The following GLRA2 variants were observed in gnomAD, a reference collection of about 807,000 sequenced individuals.
The protein encoded by GLRA2 is glycine receptor alpha 2, also known as glycine receptor subunit alpha-2.
A neutral mutation model predicts 31.6 loss-of-function variants in GLRA2; 11 were observed. The ratio of observed to expected loss-of-function variants is 0.35; its 90% CI spans 0.22 to 0.58. The LOEUF (loss-of-function observed/expected upper bound fraction) is 0.58. GLRA2 is among the 20% of genes least tolerant of loss of function. GLRA2 has a pLI of 0.84. For missense variants in GLRA2, 212 were observed against 351.8 expected, an observed-to-expected ratio of 0.60 and a Z score of 3.18; for synonymous variants, 132 against 134.0, an observed-to-expected ratio of 0.99 and a Z score of 0.10.
At chrX:14,489,236 C>T in the GLRA2 span, among the ~76,000 whole-genome samples, 1 of 111,715 alleles carries the variant, frequency 9.0e-6, no homozygotes, top group Admixed American at 9.5e-5. Flanking sequence ...CAACTAATAA[C>T]TTGAAACACA....
the GLRA2 span, among the ~76,000 whole-genome samples, chrX:14,504,788 G>A: frequency 2.5e-3 from 278 of 112,087 alleles, no homozygotes; most frequent in African/African-American, 8.5e-3. Flanking sequence ...CTGTTAGGTT[G>A]GGACACTCAG....
the GLRA2 span, among the ~76,000 whole-genome samples, chrX:14,517,617 C>T: frequency 2.7e-5 from 3 of 111,721 alleles, no homozygotes; most frequent in Non-Finnish European, 5.6e-5. Context: ...TACCTCCCAC[C>T]GGGTGCCTCC....
At position 14,570,855 on chromosome X, in the gene GLRA2, A is replaced by G. The variant is rs148691799; in HGVS notation, c.203-3478A>G. On this transcript the variant is annotated intron_variant, in intron 2 of 8. Transcript: ENST00000218075. ...TGATATATAGCAACAAAGAAGATCA[A>G]TATGGGATGGGGATTGTCATACTTG... Among the ~76,000 whole-genome samples, 917 of 112,035 alleles carry G rather than the reference A, an allele frequency of 8.2e-3. 5 individuals are homozygous for G. Among genetic ancestry groups the G allele is most frequent in the African/African-American group, 0.027 (848 of 30,876 alleles).
At position 14,581,257 on chromosome X, in the gene GLRA2, C is replaced by A; in HGVS notation, c.345C>A (p.Asp115Glu). The change falls in exon 4 of 9, where the codon GAC (aspartate) becomes GAA (glutamate). Residue 115 changes from aspartate (D) to glutamate (E), a missense_variant. Transcript: ENST00000218075. ...SRLAYSEYPD[D>E]SLDLDPSMLD... is the part of the protein sequence containing the mutation. The stretch of plus-strand genomic sequence containing the variant: ...TGGCGTACAGTGAGTACCCAGATGA[C>A]TCCCTGGACTTGGACCCATCCATGC... 1 of 1,188,736 alleles carries A rather than the reference C, an allele frequency of 8.4e-7. No individual in the cohort carries two copies. The highest frequency in any genetic ancestry group is 1.1e-6 in the Non-Finnish European group (1 of 874,470).
chrX:14,697,479 TAATC>T (rs201429857), intron 8 of GLRA2, among the ~76,000 whole-genome samples: 3,187 of 111,620 alleles, frequency 0.029, 102 homozygotes, highest in African/African-American at 0.091. Context: ...AAAATAATAA[TAATC>T]ACTACTATCC....
intron 2 of GLRA2, among the ~76,000 whole-genome samples, chrX:14,533,978 T>C (rs755442333): frequency 9.0e-6 from 1 of 111,538 alleles, no homozygotes; most frequent in African/African-American, 3.2e-5. Context: ...TTCATAGCTG[T>C]TATTCATTTC....
chrX:14,503,417 G>A, the GLRA2 span, among the ~76,000 whole-genome samples: 1 of 111,535 alleles, frequency 9.0e-6, no homozygotes, highest in Non-Finnish European at 1.9e-5. Context: ...TTTCCAGAGG[G>A]TACCACAATT....
intron 8 of GLRA2, among the ~76,000 whole-genome samples, chrX:14,717,823 G>A (rs185016056): frequency 5.5e-5 from 6 of 108,432 alleles, no homozygotes; most frequent in African/African-American, 2.0e-4. Context: ...ACTCAGTTAT[G>A]AATCCAATTT....
intron 8 of GLRA2, among the ~76,000 whole-genome samples, chrX:14,721,722 T>C (rs753497131): frequency 9.0e-6 from 1 of 111,522 alleles, no homozygotes; most frequent in East Asian, 2.8e-4. Context: ...AAAAGACTTA[T>C]TCTGGATCCT....
intron 3 of GLRA2, among the ~76,000 whole-genome samples, chrX:14,579,213 CT>C (rs1250707338): frequency 8.9e-6 from 1 of 112,078 alleles, no homozygotes; most frequent in Non-Finnish European, 1.9e-5. Context: ...TGTGGGTCCC[CT>C]TTCATTCTAT....
At chrX:14,635,265 T>G (rs2090698655) in intron 7 of GLRA2, among the ~76,000 whole-genome samples, 1 of 111,907 alleles carries the variant, frequency 8.9e-6, no homozygotes, top group African/African-American at 3.2e-5. Flanking sequence ...AGACATAGTT[T>G]CCAAGCAATT....
rs982917593 is a variant in GLRA2 at position 14,607,847 on chromosome X, G to A, written c.715+579G>A. ...GTAGTGCTGACAGACACATGGGGTT[G>A]GGGGGCAGGTGGTGAAGGAAGAACT... is the stretch of plus-strand genomic sequence containing the variant. On this transcript the variant is annotated intron_variant, in intron 6 of 8. Coordinates refer to ENST00000218075, the MANE Select transcript of GLRA2 (RefSeq NM_002063.4). Among the ~76,000 whole-genome samples, 4 of 111,218 alleles carry A rather than the reference G, an allele frequency of 3.6e-5. No homozygotes were observed. In the East Asian group the frequency reaches 1.1e-3, roughly 32 times the overall value.
chrX:14,474,762 T>C, the GLRA2 span, among the ~76,000 whole-genome samples: 1 of 109,327 alleles, frequency 9.1e-6, no homozygotes, highest in Non-Finnish European at 1.9e-5. Flanking sequence ...TCTCCCCTTA[T>C]AGTTTCTCAT....
intron 4 of GLRA2, 112 bp from the exon 5 acceptor site, chrX:14,604,203 A>C (rs1382967122): frequency 4.8e-6 from 2 of 414,496 alleles, no homozygotes; most frequent in Non-Finnish European, 8.4e-6. Flanking sequence ...CTTAGATTTC[A>C]TTATTTGAAT....
chrX:14,623,779 A>C (rs372653461), intron 7 of GLRA2, among the ~76,000 whole-genome samples: 41 of 111,336 alleles, frequency 3.7e-4, no homozygotes, highest in East Asian at 2.3e-3. Flanking sequence ...TTTTGCATCG[A>C]TGTTCATCAG....
At chrX:14,479,015 C>T in the GLRA2 span, among the ~76,000 whole-genome samples, 1 of 110,068 alleles carries the variant, frequency 9.1e-6, no homozygotes, top group Non-Finnish European at 1.9e-5. Flanking sequence ...TATTTTCTGT[C>T]ACATGCATGA....
chrX:14,453,042 C>A, the GLRA2 span, among the ~76,000 whole-genome samples: 2 of 111,324 alleles, frequency 1.8e-5, no homozygotes, highest in African/African-American at 6.5e-5. Context: ...GGTTCTAGTC[C>A]AATAAGTCAT....
intron 7 of GLRA2, among the ~76,000 whole-genome samples, chrX:14,630,287 G>A (rs2090630260): frequency 9.0e-6 from 1 of 111,391 alleles, no homozygotes; most frequent in Admixed American, 9.6e-5. Context: ...CTTCACACTT[G>A]CACTGTTTCC....
intron 7 of GLRA2, among the ~76,000 whole-genome samples, chrX:14,658,375 T>C (rs924719778): frequency 8.9e-6 from 1 of 111,746 alleles, no homozygotes; most frequent in Non-Finnish European, 1.9e-5. Flanking sequence ...GTTTTCGTCT[T>C]TATTGCATTA....
Sources: allele counts gnomAD v4.1 joint callset (sites outside exome capture counted in the v4.1 genomes callset), GRCh38; gene constraint gnomAD v4.1.1; transcripts MANE v1.5; gene names NCBI Gene and HGNC (gene_info 2026-07-23, HGNC 2026-07-21).